DPF3: variants seen among roughly 807,000 people sequenced by gnomAD.
The protein encoded by DPF3 is zinc finger protein DPF3.
DPF3 carries 18 observed loss-of-function variants against 56.8 expected under a neutral mutation model. That is an observed-to-expected ratio of 0.32 (90% confidence interval 0.22 to 0.47). The LOEUF (loss-of-function observed/expected upper bound fraction) is 0.47, where lower values mean the gene tolerates loss of function less well. Ranked by LOEUF, DPF3 falls within the 20% of genes least tolerant of loss-of-function variation. The pLI is 1.00. For missense variants in DPF3, 403 were observed against 488.8 expected (o/e 0.82, Z 1.65); for synonymous variants, 188 against 180.2 (o/e 1.04, Z -0.35).
In DPF3 at chr14:72,628,536, A is replaced by G. The variant is rs1005461803; in HGVS notation, c.984+1088T>C. 4.6e-5 allele frequency among the ~76,000 whole-genome samples: 7 copies of G among 152,200 alleles called. 1 individual carries two copies. In the South Asian group the frequency reaches 1.2e-3, roughly 27 times the overall value. ...CCCTAACAAAATAGTCAATCCAGTC[A>G]AAGGTCATCAATAGATGCTACCTTT... On this transcript the variant is annotated intron_variant, in intron 9 of 10. Coordinates refer to ENST00000556509, the MANE Select transcript of DPF3 (RefSeq NM_001280542.3).
intron 1 of DPF3, among the ~76,000 whole-genome samples, chr14:72,805,022 G>A (rs913551856): frequency 4.2e-5 from 4 of 95,880 alleles, no homozygotes; most frequent in African/African-American, 1.1e-4. Flanking sequence ...GCTTCCTACT[G>A]TGTAAAACGA....
At chr14:72,839,809 G>T (rs1884473004) in intron 1 of DPF3, among the ~76,000 whole-genome samples, 2 of 152,166 alleles carry the variant, frequency 1.3e-5, no homozygotes, top group South Asian at 4.1e-4. Context: ...AGCAAAACCT[G>T]CACTGTAGGA....
intron 3 of DPF3, chr14:72,742,680 C>T (rs56047269): frequency 0.22 from 33,055 of 152,252 alleles, 3,983 homozygotes; most frequent in Middle Eastern, 0.32. Flanking sequence ...GAAATCGCAC[C>T]GAACATCAGA....
intron 1 of DPF3, among the ~76,000 whole-genome samples, chr14:72,776,684 C>A (rs1449193657): frequency 6.6e-6 from 1 of 152,128 alleles, no homozygotes; most frequent in African/African-American, 2.4e-5. Flanking sequence ...GCTCCGATTT[C>A]TCAGATCACT....
chr14:72,699,270 A>C (rs1888052454), intron 6 of DPF3, among the ~76,000 whole-genome samples: 1 of 152,134 alleles, frequency 6.6e-6, no homozygotes, highest in South Asian at 2.1e-4. Flanking sequence ...TTATAATCCC[A>C]GCACTTTGGG....
intron 1 of DPF3, among the ~76,000 whole-genome samples, chr14:72,881,145 T>C (rs1378465914): frequency 6.6e-6 from 1 of 152,192 alleles, no homozygotes; most frequent in Non-Finnish European, 1.5e-5. Context: ...CACTGAACTA[T>C]GGAAGGCTGG....
chr14:72,746,100 C>A (rs1050461921), intron 3 of DPF3, among the ~76,000 whole-genome samples: 5 of 152,240 alleles, frequency 3.3e-5, no homozygotes, highest in Non-Finnish European at 5.9e-5. Context: ...GTCCACCCCC[C>A]AGGGGGCACC....
chr14:72,654,288 G>T (rs1567190494), intron 8 of DPF3, among the ~76,000 whole-genome samples: 1 of 151,772 alleles, frequency 6.6e-6, no homozygotes, highest in African/African-American at 2.4e-5. Flanking sequence ...CTTTGCTCAG[G>T]TATTTCCCAC....
At chr14:72,807,666 G>A (rs147810919) in intron 1 of DPF3, among the ~76,000 whole-genome samples, 3 of 152,246 alleles carry the variant, frequency 2.0e-5, no homozygotes, top group African/African-American at 4.8e-5. Flanking sequence ...ACTCTCCAGT[G>A]AACTAATCCA....
At chr14:72,706,586 G>A (rs917238831) in intron 6 of DPF3, among the ~76,000 whole-genome samples, 9 of 152,000 alleles carry the variant, frequency 5.9e-5, no homozygotes, top group African/African-American at 1.5e-4. Context: ...TGACTTTCTC[G>A]ATGTCACAGA....
intron 1 of DPF3, among the ~76,000 whole-genome samples, chr14:72,791,854 C>T (rs72730342): frequency 0.15 from 22,276 of 152,218 alleles, 1,755 homozygotes; most frequent in Middle Eastern, 0.32. Flanking sequence ...GTACATGCTG[C>T]CTCATGACCG....
intron 1 of DPF3, among the ~76,000 whole-genome samples, chr14:72,782,573 G>A (rs929616607): frequency 2.6e-5 from 4 of 152,278 alleles, no homozygotes; most frequent in Non-Finnish European, 5.9e-5. Context: ...GGTGGCCCAC[G>A]CCTGTAATCC....
At chr14:72,846,870 G>A (rs1884784346) in intron 1 of DPF3, among the ~76,000 whole-genome samples, 2 of 152,148 alleles carry the variant, frequency 1.3e-5, no homozygotes, top group South Asian at 4.1e-4. Context: ...GAGGACCTTG[G>A]AACATCCTCT....
At chr14:72,663,234 C>T (rs1392352633) in intron 8 of DPF3, among the ~76,000 whole-genome samples, 3 of 148,396 alleles carry the variant, frequency 2.0e-5, no homozygotes, top group Non-Finnish European at 4.5e-5. Flanking sequence ...ACAGTTAAAA[C>T]ACCCCAGAAA....
chr14:72,771,730 C>A lies in DPF3; in HGVS notation c.193+3G>T. 6.2e-7 allele frequency: 1 copy of A among 1,610,520 alleles called. No individual in the cohort carries two copies. The highest frequency in any genetic ancestry group is 1.1e-5 in the South Asian group (1 of 90,458). ...CGCATGTCCCAGGAGTGGCGCAGCT[C>A]ACCTGGGCCTCGGTGCCTCTTCTCC... On this transcript the variant is annotated splice_donor_region_variant and intron_variant, in intron 2 of 10. Transcript: ENST00000556509.
Position 72,619,296 on chromosome 14 carries a change from C to T in DPF3, c.*1G>A, listed in dbSNP as rs1884272870. The T allele has an allele frequency of 5.2e-6, 8 of 1,535,972 alleles. No homozygotes were observed. The highest frequency in any genetic ancestry group is 4.8e-5 in the South Asian group (4 of 84,062). On this transcript the variant is annotated 3_prime_UTR_variant, in exon 11 of 11. Coordinates refer to ENST00000556509, the MANE Select transcript of DPF3 (RefSeq NM_001280542.3). ...CGAGTCACATTCTGTGACCTGGGGC[C>T]CTAGGCCTGGCAGCCAAAGGCTGAG...
At chr14:72,786,025 G>A (rs1892194427) in intron 1 of DPF3, among the ~76,000 whole-genome samples, 1 of 152,220 alleles carries the variant, frequency 6.6e-6, no homozygotes, top group Admixed American at 6.5e-5. Context: ...ATTTTGGGAA[G>A]CCGAGGCGGG....
intron 6 of DPF3, among the ~76,000 whole-genome samples, chr14:72,700,772 T>G (rs1888124514): frequency 6.6e-6 from 1 of 152,198 alleles, no homozygotes; most frequent in African/African-American, 2.4e-5. Context: ...TGCCTCAGCA[T>G]CCTCTCTGTA....
At chr14:72,843,613 G>A (rs906463726) in intron 1 of DPF3, among the ~76,000 whole-genome samples, 33 of 152,180 alleles carry the variant, frequency 2.2e-4, no homozygotes, top group Admixed American at 3.9e-4. Flanking sequence ...CGTGACCTCG[G>A]CTCACTGCAA....
Sources: gnomAD v4.1 joint callset for allele counts (sites outside exome capture counted in the v4.1 genomes callset) on GRCh38, gnomAD v4.1.1 for gene constraint, MANE v1.5 for transcripts, NCBI Gene and HGNC (gene_info 2026-07-23, HGNC 2026-07-21) for gene names.